Variants in RGL3 observed in about 807,000 individuals in gnomAD.
RGL3 encodes the protein ral guanine nucleotide dissociation stimulator like 3, also known as ral guanine nucleotide dissociation stimulator-like 3.
In RGL3, 85 loss-of-function variants were observed where a neutral mutation model predicts 90.6. The ratio of observed to expected loss-of-function variants is 0.94; its 90% CI spans 0.79 to 1.12. The LOEUF is 1.12. Ranked by LOEUF, RGL3 falls within the 50% of genes most tolerant of loss-of-function variation. The pLI, the probability that RGL3 is intolerant of heterozygous loss-of-function variation, is 0.00. For missense variants in RGL3, 1,034 were observed against 939.2 expected (o/e 1.10, Z -1.32); for synonymous variants, 408 against 385.5 (o/e 1.06, Z -0.68).
chr19:11,406,724 A>G lies in RGL3; in HGVS notation c.778T>C (p.Leu260=). The G allele has an allele frequency of 6.2e-7, 1 of 1,613,836 alleles. No individual in the cohort carries two copies. The highest frequency in any genetic ancestry group is 8.5e-7 in the Non-Finnish European group (1 of 1,179,972). Residue 260 remains leucine, a splice_region_variant and synonymous_variant, in exon 6 of 19, where the codon TTG becomes CTG. Transcript: ENST00000380456. Reference sequence around the variant, plus strand: ...CCGACCCTGTCCGGGATCCTCACCAAGTCTATGAGGGTCAGCTGCTCGGCC... The same window carrying G: ...CCGACCCTGTCCGGGATCCTCACCAGGTCTATGAGGGTCAGCTGCTCGGCC... The part of the protein sequence containing the change: ...EVAEQLTLID[L]ELFSKVRLYE...
intron 4 of RGL3, 104 bp downstream of exon 4, chr19:11,416,510 C>A: frequency 8.7e-7 from 1 of 1,145,822 alleles, no homozygotes; most frequent in Non-Finnish European, 1.3e-6. Context: ...GACTCCCAGT[C>A]TCTTATTACC....
chr19:11,410,944 C>A (rs1968863733), intron 5 of RGL3, among the ~76,000 whole-genome samples: 1 of 152,038 alleles, frequency 6.6e-6, no homozygotes, highest in Non-Finnish European at 1.5e-5. Flanking sequence ...CGTGGTGACT[C>A]ATGTCTGTAA....
Position 11,394,157 on chromosome 19 carries a change from T to C in RGL3, c.*245A>G. On this transcript the variant is annotated 3_prime_UTR_variant, in exon 19 of 19. Coordinates refer to ENST00000380456, the MANE Select transcript of RGL3 (RefSeq NM_001035223.4). ...TCTGGGGAGGGATTTGACGTATCCA[T>C]GCCCCACCTCTTTCTACATTTATGG... 2.2e-6 allele frequency: 1 copy of C among 463,326 alleles called. No individual in the cohort carries two copies. Among genetic ancestry groups the C allele is most frequent in the Non-Finnish European group, 4.0e-6 (1 of 252,950 alleles). The allele number at this position is 463,326 out of a possible 1,614,324, so 28.7% of individuals were successfully genotyped here.
chr19:11,413,928 A>G (rs1293344565), intron 5 of RGL3, among the ~76,000 whole-genome samples: 5 of 148,080 alleles, frequency 3.4e-5, no homozygotes, highest in Non-Finnish European at 6.0e-5. Flanking sequence ...TTGTATTTTT[A>G]GTAGAGACGG....
intron 5 of RGL3, chr19:11,411,343 C>G (rs940841387): frequency 2.0e-5 from 3 of 149,508 alleles, no homozygotes; most frequent in African/African-American, 7.3e-5. Flanking sequence ...ATGCTCACAG[C>G]TCACGGCAGC....
intron 5 of RGL3, among the ~76,000 whole-genome samples, chr19:11,410,125 T>TA (rs200383916): frequency 1.0e-3 from 156 of 149,210 alleles, no homozygotes; most frequent in East Asian, 7.2e-3. Flanking sequence ...TATATATATA[T>TA]TTTTTTATTA....
chr19:11,406,159 C>T (rs946857297), intron 7 of RGL3, among the ~76,000 whole-genome samples: 4 of 152,142 alleles, frequency 2.6e-5, no homozygotes, highest in Middle Eastern at 3.4e-3. Flanking sequence ...CCCAGCTGCC[C>T]CTCCAGCCCC....
intron 5 of RGL3, among the ~76,000 whole-genome samples, chr19:11,415,175 A>T (rs1968971849): frequency 6.6e-6 from 1 of 151,960 alleles, no homozygotes; most frequent in Admixed American, 6.5e-5. Flanking sequence ...AATTAAATTT[A>T]AAAAGAAATT....
intron 5 of RGL3, among the ~76,000 whole-genome samples, chr19:11,412,324 A>C (rs1242889188): frequency 6.6e-6 from 1 of 151,422 alleles, no homozygotes. Flanking sequence ...AGACATGTGT[A>C]CCCAAAACAT....
At chr19:11,418,202 A>ACTCCCTCTCCCGTCCC (rs1969035990) in intron 2 of RGL3, among the ~76,000 whole-genome samples, 1 of 98,960 alleles carries the variant, frequency 1.0e-5, no homozygotes, top group Non-Finnish European at 2.1e-5. Context: ...CCTGTCCCCT[A>ACTCCCTCTCCCGTCCC]CTCCCTCTCC....
intron 13 of RGL3, among the ~76,000 whole-genome samples, chr19:11,401,449 G>A (rs1317570771): frequency 1.3e-5 from 2 of 149,290 alleles, no homozygotes; most frequent in Non-Finnish European, 3.0e-5. Flanking sequence ...AGGCTGGAGT[G>A]CAGTGGCACC....
At chr19:11,401,789 C>T (rs1599432125) in intron 13 of RGL3, among the ~76,000 whole-genome samples, 1 of 152,218 alleles carries the variant, frequency 6.6e-6, no homozygotes, top group East Asian at 1.9e-4. Context: ...TCAAGTGATC[C>T]ACCCACCTTG....
rs1389989769 is a variant in RGL3 at position 11,414,171 on chromosome 19, A to ACC, written c.637+1765_637+1766insGG. On this transcript the variant is annotated intron_variant, in intron 5 of 18. Transcript: ENST00000380456. ...TATATATATATATATATATATATAT[A>ACC]TATATACACCTATATATATATACCT... 1.2e-4 allele frequency among the ~76,000 whole-genome samples: 13 copies of ACC among 108,182 alleles called. No homozygotes were observed. The South Asian group carries it at 2.4e-3, about 20-fold the overall frequency. The allele number at this position is 108,182 out of a possible 152,430, so 71.0% of individuals were successfully genotyped here. A position where few individuals can be genotyped will look rare whatever the true frequency, so the allele number is the denominator to read the frequency against.
intron 13 of RGL3, 149 bp from the exon 14 acceptor site, chr19:11,400,446 T>G: frequency 3.5e-6 from 2 of 574,698 alleles, no homozygotes; most frequent in Admixed American, 3.6e-5. Context: ...GGGTGGTAAA[T>G]GAGGGTCATT....
At position 11,402,047 on chromosome 19, in the gene RGL3, G is replaced by C. The variant is rs760859878; in HGVS notation, c.1448C>G (p.Ala483Gly). The change falls in exon 13 of 19, where the codon GCC becomes GGC. Residue 483 changes from alanine (A) to glycine (G), a missense_variant. Ala to Gly is a moderately conservative substitution (Grantham distance 60, BLOSUM62 0). Coordinates refer to ENST00000380456, the MANE Select transcript of RGL3 (RefSeq NM_001035223.4). ...TLSPHPPILAALHAQNQLTEE... is the reference protein window; with the variant it reads ...TLSPHPPILAGLHAQNQLTEE... ...GGTGAGCTGGTTCTGGGCATGCAGG[G>C]CAGCCAGGATGGGCGGGTGGGGGCT... is the stretch of plus-strand genomic sequence containing the variant. 1.2e-5 allele frequency: 19 copies of C among 1,568,780 alleles called. No homozygotes were observed. In the East Asian group the frequency reaches 4.0e-4, roughly 33 times the overall value.
At chr19:11,409,169 CAAA>C (rs1267799858) in intron 5 of RGL3, among the ~76,000 whole-genome samples, 10 of 69,476 alleles carry the variant, frequency 1.4e-4, no homozygotes, top group Non-Finnish European at 2.3e-4. Context: ...GACTTTGTCT[CAAA>C]AAAAAAAAAA....
intron 2 of RGL3, among the ~76,000 whole-genome samples, chr19:11,417,822 T>C (rs1343668560): frequency 6.6e-6 from 1 of 151,982 alleles, no homozygotes; most frequent in Non-Finnish European, 1.5e-5. Context: ...CTTGGAGTTA[T>C]TGTTTTGGTT....
At position 11,403,640 on chromosome 19, in the gene RGL3, C is replaced by CAA. The variant is rs889376839; in HGVS notation, c.1186-936_1186-935dup. Among the ~76,000 whole-genome samples, 290 of 48,688 alleles carry CAA rather than the reference C, an allele frequency of 6.0e-3. 2 individuals carry two copies. Among genetic ancestry groups the CAA allele is most frequent in the African/African-American group, 0.012 (171 of 14,104 alleles). 31.9% of individuals were successfully genotyped at this position (48,688 alleles called of 152,430 possible). A position where few individuals can be genotyped will look rare whatever the true frequency, so the allele number is the denominator to read the frequency against. On this transcript the variant is annotated intron_variant, in intron 9 of 18. Transcript: ENST00000380456. ...GGGCAACAAGACCAAAACTCCATCT[C>CAA]AAAAAAAAAAAAAAAAAAAAAAAGA...
chr19:11,414,359 TTATATATACCTTTATATA>T (rs1460376038), intron 5 of RGL3, among the ~76,000 whole-genome samples: 8 of 105,942 alleles, frequency 7.6e-5, no homozygotes, highest in African/African-American at 1.9e-4. Context: ...ATATATACCT[TTATATATACCTTTATATA>T]TATATATACC....
Sources: allele counts gnomAD v4.1 joint callset (sites outside exome capture counted in the v4.1 genomes callset), GRCh38; gene constraint gnomAD v4.1.1; transcripts MANE v1.5; gene names NCBI Gene and HGNC (gene_info 2026-07-23, HGNC 2026-07-21).